Variants in ASPSCR1 observed in about 807,000 individuals in gnomAD.
ASPSCR1 encodes tether containing UBX domain for GLUT4.
Under a neutral mutation model 68.9 loss-of-function variants are expected in ASPSCR1, and 55 were observed. That is an observed-to-expected ratio of 0.80 (90% CI 0.64 to 1.00). The LOEUF is 1.00. Ranked by LOEUF, ASPSCR1 falls within the 50% of genes least tolerant of loss-of-function variation. The probability of loss-of-function intolerance (pLI) is 0.00; values close to 1 mark genes in which losing one functional copy is unlikely to be tolerated. For missense variants in ASPSCR1, 765 were observed against 762.2 expected (o/e 1.00, Z -0.04); for synonymous variants, 352 against 332.6 (o/e 1.06, Z -0.63).
chr17:81,995,147 G>A, intron 5 of ASPSCR1: 1 of 504,360 alleles, frequency 2.0e-6, no homozygotes, highest in East Asian at 3.4e-5. Context: ...TATTTGCTTT[G>A]CTCGGTGTTT....
intron 7 of ASPSCR1, among the ~76,000 whole-genome samples, chr17:82,001,298 G>A (rs906200333): frequency 2.0e-5 from 3 of 152,150 alleles, no homozygotes; most frequent in East Asian, 3.9e-4. Flanking sequence ...GGACCCTGAC[G>A]CCGGGCTAGA....
At chr17:81,984,344 G>A (rs558556029) in intron 3 of ASPSCR1, among the ~76,000 whole-genome samples, 1 of 152,038 alleles carries the variant, frequency 6.6e-6, no homozygotes, top group Admixed American at 6.5e-5. Flanking sequence ...TTAGGAGGCC[G>A]AGGCGGGCAG....
chr17:82,000,299 G>A (rs879833442), intron 7 of ASPSCR1, among the ~76,000 whole-genome samples: 27 of 152,240 alleles, frequency 1.8e-4, no homozygotes, highest in Non-Finnish European at 3.5e-4. Flanking sequence ...GTGCTCGCCC[G>A]TCGGGAGGCG....
At chr17:82,016,446 C>T (rs746857481) in intron 12 of ASPSCR1, 30 bp from the exon 13 acceptor site, 30 of 1,541,494 alleles carry the variant, frequency 1.9e-5, no homozygotes, top group Middle Eastern at 4.6e-4. Flanking sequence ...TGCCCACACC[C>T]GGCCCCTGAG....
chr17:81,989,227 A>G (rs769253755), intron 4 of ASPSCR1, among the ~76,000 whole-genome samples: 7 of 152,208 alleles, frequency 4.6e-5, no homozygotes, highest in Non-Finnish European at 8.8e-5. Flanking sequence ...TATTAAATAA[A>G]TTTCTAAAAG....
chr17:81,996,105 T>TAA, intron 6 of ASPSCR1, 40 bp downstream of exon 6: 26 of 1,222,004 alleles, frequency 2.1e-5, no homozygotes, highest in Admixed American at 1.1e-4. Flanking sequence ...TCTATTTAGC[T>TAA]AAAAAAAAAA....
At position 81,999,454 on chromosome 17, in the gene ASPSCR1, C is replaced by T. The variant is rs1264445578; in HGVS notation, c.933+2608C>T. Among the ~76,000 whole-genome samples, 1 of 152,156 alleles carries T rather than the reference C, an allele frequency of 6.6e-6. No individual in the cohort carries two copies. The highest frequency in any genetic ancestry group is 2.4e-5 in the African/African-American group (1 of 41,424). On this transcript the variant is annotated intron_variant, in intron 7 of 15. Transcript: ENST00000306739. This position sits in a 1 kb window ranked among gnomAD's most constrained non-coding sequence, Gnocchi z 4.4. Reference sequence around the variant, plus strand: ...CCAGCCTGGACAACATGGCAAAACCCTGTCTCTACCAAAAATACAAAAATT... The same window carrying T: ...CCAGCCTGGACAACATGGCAAAACCTTGTCTCTACCAAAAATACAAAAATT...
chr17:81,979,687 T>C (rs1172492099), intron 2 of ASPSCR1, among the ~76,000 whole-genome samples: 1 of 152,180 alleles, frequency 6.6e-6, no homozygotes, highest in Non-Finnish European at 1.5e-5. Context: ...TTCAACCCCC[T>C]GTAGGTTTTA....
chr17:81,979,121 G>T, intron 1 of ASPSCR1, 63 bp from the exon 2 acceptor site: 2 of 1,572,334 alleles, frequency 1.3e-6, no homozygotes. Flanking sequence ...TGGCTGACCT[G>T]GCCCACTGCG....
chr17:81,998,355 G>A (rs1320351801), intron 7 of ASPSCR1, among the ~76,000 whole-genome samples: 1 of 152,154 alleles, frequency 6.6e-6, no homozygotes, highest in Non-Finnish European at 1.5e-5. Flanking sequence ...AGTTCTAGTG[G>A]CGTCTTGGTT....
chr17:82,001,153 G>A (rs557381313), intron 7 of ASPSCR1, among the ~76,000 whole-genome samples: 5 of 152,274 alleles, frequency 3.3e-5, no homozygotes, highest in African/African-American at 7.2e-5. Context: ...GTAAACCAGC[G>A]GGGAGGAGGC....
Position 82,012,311 on chromosome 17 carries a change from C to T in ASPSCR1, c.1353+28C>T, listed in dbSNP as rs201729186. On this transcript the variant is annotated intron_variant, in intron 12 of 15. Coordinates refer to ENST00000306739, the MANE Select transcript of ASPSCR1 (RefSeq NM_024083.4). ...ACCTGAGGGCCTCCCTGGGGTGCTG[C>T]GGGGCGGGGCCCTCCAGGGAGGGCA... 5.0e-6 allele frequency: 8 copies of T among 1,608,304 alleles called. No individual in the cohort carries two copies. The Admixed American group carries it at 5.0e-5, about 10-fold the overall frequency.
At chr17:82,008,816 G>T (rs2042811380) in intron 7 of ASPSCR1, 1 of 512,048 alleles carries the variant, frequency 2.0e-6, no homozygotes, top group Middle Eastern at 5.1e-4. Context: ...GGAGAGGGGG[G>T]TCTCCAGCCC....
intron 7 of ASPSCR1, among the ~76,000 whole-genome samples, chr17:82,001,583 C>CG (rs1410420520): frequency 1.3e-5 from 2 of 152,086 alleles, no homozygotes; most frequent in Non-Finnish European, 2.9e-5. Context: ...TGAGGAACCC[C>CG]GGGGGGTAGG....
chr17:82,001,911 C>T (rs971702990), intron 7 of ASPSCR1, among the ~76,000 whole-genome samples: 1 of 152,112 alleles, frequency 6.6e-6, no homozygotes, highest in African/African-American at 2.4e-5. Flanking sequence ...CACACCGTAA[C>T]GTGCCCAGCT....
rs778014797 is a variant in ASPSCR1, at chr17:81,996,593, A to G, written c.680A>G (p.His227Arg). 6.2e-7 allele frequency: 1 copy of G among 1,611,438 alleles called. No individual in the cohort carries two copies. Among genetic ancestry groups the G allele is most frequent in the East Asian group, 2.2e-5 (1 of 44,774 alleles). The change falls in exon 7 of 16, where the codon CAC (histidine) becomes CGC (arginine). Residue 227 changes from histidine to arginine, a missense_variant. Physicochemically the swap from His to Arg is conservative, Grantham distance 29. Coordinates refer to ENST00000306739, the MANE Select transcript of ASPSCR1 (RefSeq NM_024083.4). ...GACACCTCAGGGCCCTGCTGCGAGCACACTCAGGAGAAGCAGAGCACAAGG... is the reference window on the plus strand; with the variant it reads ...GACACCTCAGGGCCCTGCTGCGAGCGCACTCAGGAGAAGCAGAGCACAAGG... ...DADTSGPCCE[H>R]TQEKQSTRAP...
rs746230332 is a variant in ASPSCR1, at chr17:82,017,107, C to T, written c.1642C>T (p.Leu548=). 35 of 1,590,850 alleles carry T rather than the reference C, an allele frequency of 2.2e-5. No homozygotes were observed. Among genetic ancestry groups the T allele is most frequent in the Non-Finnish European group, 2.7e-5 (32 of 1,170,528 alleles). ...SLGKVPKWLK[L]PASKR ...GGGCAAGGTGCCCAAGTGGCTGAAG[C>T]TGCCGGGTACTGCGGCTGGGTGGAA... The change falls in exon 15 of 16, where the codon CTG becomes TTG. Residue 548 remains leucine, a synonymous_variant. Coordinates refer to ENST00000306739, the MANE Select transcript of ASPSCR1 (RefSeq NM_024083.4).
intron 7 of ASPSCR1, chr17:82,007,516 T>A (rs940097237): frequency 6.6e-6 from 1 of 152,194 alleles, no homozygotes; most frequent in African/African-American, 2.4e-5. Context: ...AGCCCACATT[T>A]CCCCCAGTGA....
rs1255707537 is a variant in ASPSCR1 at position 81,999,129 on chromosome 17, A to C, written c.933+2283A>C. Among the ~76,000 whole-genome samples, 2 of 152,208 alleles carry C rather than the reference A, an allele frequency of 1.3e-5. No individual in the cohort carries two copies. Among genetic ancestry groups the C allele is most frequent in the Admixed American group, 1.3e-4 (2 of 15,282 alleles). On this transcript the variant is annotated intron_variant, in intron 7 of 15. Transcript: ENST00000306739. This position sits in a 1 kb window ranked among gnomAD's most constrained non-coding sequence, Gnocchi z 4.4. ...TCGTGGCATTTATGGGTTTTGTGCC[A>C]AAAGAGGCAGACTGGGGGACTGTCA...
Sources: allele counts gnomAD v4.1 joint callset (sites outside exome capture counted in the v4.1 genomes callset), GRCh38; gene constraint gnomAD v4.1.1; non-coding constraint Gnocchi (gnomAD v3.1); transcripts MANE v1.5; gene names NCBI Gene and HGNC (gene_info 2026-07-23, HGNC 2026-07-21).